The following EXD3 variants were observed in gnomAD, a reference collection of about 807,000 sequenced individuals.
EXD3 encodes the protein exonuclease 3'-5' domain containing 3, also known as exonuclease mut-7 homolog.
A neutral mutation model predicts 98.0 loss-of-function variants in EXD3; 92 were observed. That is an observed-to-expected ratio of 0.94 (90% confidence interval 0.79 to 1.12). The LOEUF (loss-of-function observed/expected upper bound fraction) is 1.12. Among genes scored for constraint, EXD3 ranks in the 50% most tolerant of loss-of-function variants. The probability of loss-of-function intolerance (pLI) is 0.00; values close to 1 mark genes in which losing one functional copy is unlikely to be tolerated. For missense variants in EXD3, 1,222 were observed against 1,191.6 expected, an observed-to-expected ratio of 1.03 and a Z score of -0.38; for synonymous variants, 569 against 526.0, an observed-to-expected ratio of 1.08 and a Z score of -1.12.
chr9:137,353,607 C>T, intron 10 of EXD3: 4 of 985,984 alleles, frequency 4.1e-6, no homozygotes, highest in Non-Finnish European at 4.8e-6. Context: ...CCCGCAGCCA[C>T]CGTGGCAGCG....
In EXD3 at chr9:137,403,806, AC is replaced by A. The variant is rs996435883; in HGVS notation, c.-47-8403del. ...GAAGGCCCTCTCCACCATGCCCAGA[AC>A]CGTGGATGCCCCAGCCTGGGCTCTT... On this transcript the variant is annotated intron_variant, in intron 1 of 21. Transcript: ENST00000340951. This position sits in a 1 kb window ranked among gnomAD's most constrained non-coding sequence, Gnocchi z 6.1. 8.5e-5 allele frequency among the ~76,000 whole-genome samples: 13 copies of A among 152,260 alleles called. No homozygotes were observed. Among genetic ancestry groups the A allele is most frequent in the Admixed American group, 8.5e-4 (13 of 15,298 alleles).
intron 17 of EXD3, among the ~76,000 whole-genome samples, chr9:137,337,560 A>G (rs1240070301): frequency 1.3e-5 from 2 of 151,774 alleles, no homozygotes; most frequent in Non-Finnish European, 2.9e-5. Context: ...CTGAGGCAGG[A>G]GAATTGCTTG....
chr9:137,353,728 C>T, intron 10 of EXD3: 1 of 985,626 alleles, frequency 1.0e-6, no homozygotes, highest in South Asian at 4.7e-5. Context: ...TCCTGGAGTC[C>T]ATGGGTCCAG....
chr9:137,352,741 G>A lies in EXD3; in HGVS notation c.916C>T (p.Leu306=), dbSNP rs190908589. The A allele has an allele frequency of 1.3e-4, 209 of 1,576,202 alleles. 1 individual carries two copies. The Middle Eastern group carries it at 1.5e-3, about 11-fold the overall frequency. The part of the protein sequence containing the change: ...SPWLQEQLSQ[L]LVSHSDPVTA... ...ACTGGGTCACTGTGGGAGACCAGCA[G>A]CTGAGACAGCTGCTCCTGAAGCCAC... The change falls in exon 11 of 22, where the codon CTG becomes TTG. Residue 306 remains leucine (L), a synonymous_variant. Transcript: ENST00000340951.
chr9:137,353,355 G>A (rs79600645), intron 10 of EXD3: 10,603 of 985,338 alleles, frequency 0.011, 143 homozygotes, highest in Non-Finnish European at 0.011. Flanking sequence ...CCAGGAGCCC[G>A]GGCATGTTTT....
In EXD3 at chr9:137,373,468, C is replaced by T. The variant is rs751321391; in HGVS notation, c.252G>A (p.Leu84=). ...ATGGCTGTGCCTGTAGCCAGCACTG[C>T]AGCTGGTGGGAGATCCAGGCCGCCA... ...PSLAAWISHQ[L]QCWLQAQPCP... Residue 84 remains leucine, a synonymous_variant, in exon 4 of 22, where the codon CTG becomes CTA. Transcript: ENST00000340951. 1 of 1,609,634 alleles carries T rather than the reference C, an allele frequency of 6.2e-7. No individual in the cohort carries two copies. Among genetic ancestry groups the T allele is most frequent in the African/African-American group, 1.3e-5 (1 of 75,020 alleles).
At chr9:137,372,813 C>T in intron 5 of EXD3, 92 bp downstream of exon 5, 1 of 1,339,602 alleles carries the variant, frequency 7.5e-7, no homozygotes, top group South Asian at 1.3e-5. Context: ...CCCAAACAGC[C>T]CCCACACAGA....
chr9:137,395,366 C>T lies in EXD3; in HGVS notation c.-9G>A, dbSNP rs762538772. ...GGATCTCCTGGGTCCATCCTCAGGG[C>T]CGGGCCGAGGACGCTGGCAGGCAGC... is the stretch of plus-strand genomic sequence containing the variant. On this transcript the variant is annotated 5_prime_UTR_variant, in exon 2 of 22. Coordinates refer to ENST00000340951, the MANE Select transcript of EXD3 (RefSeq NM_017820.5). This position sits in a 1 kb window ranked among gnomAD's most constrained non-coding sequence, Gnocchi z 6.5. 1 of 1,613,352 alleles carries T rather than the reference C, an allele frequency of 6.2e-7. No individual in the cohort carries two copies. The highest frequency in any genetic ancestry group is 1.1e-5 in the South Asian group (1 of 91,076).
intron 17 of EXD3, among the ~76,000 whole-genome samples, chr9:137,345,432 T>C (rs757091332): frequency 3.3e-5 from 5 of 151,912 alleles, no homozygotes; most frequent in Non-Finnish European, 5.9e-5. Context: ...GAGGCCGAGG[T>C]GGGCAGATCA....
chr9:137,375,264 C>T (rs1311638374), intron 3 of EXD3, among the ~76,000 whole-genome samples: 1 of 152,186 alleles, frequency 6.6e-6, no homozygotes, highest in Non-Finnish European at 1.5e-5. Context: ...GTCTCGGCCT[C>T]CCAAAGTGCT....
chr9:137,355,707 A>AGGAGGAAGGAGGAAGGAGGAAGGTAGGAT (rs1834730414), intron 8 of EXD3, among the ~76,000 whole-genome samples: 1 of 139,142 alleles, frequency 7.2e-6, no homozygotes, highest in African/African-American at 2.9e-5. Flanking sequence ...GGAAGGAGGA[A>AGGAGGAAGGAGGAAGGAGGAAGGTAGGAT]GGAGGAAGGA....
intron 19 of EXD3, among the ~76,000 whole-genome samples, chr9:137,319,900 G>A (rs1232111834): frequency 1.3e-5 from 2 of 152,196 alleles, no homozygotes; most frequent in Non-Finnish European, 2.9e-5. Context: ...AGGGCATCCT[G>A]CTAGGGCCCA....
At chr9:137,372,313 C>T (rs906061152) in intron 5 of EXD3, among the ~76,000 whole-genome samples, 27 of 152,232 alleles carry the variant, frequency 1.8e-4, no homozygotes, top group African/African-American at 4.3e-4. Context: ...GTGTCCCAGG[C>T]GCCGGCACTG....
In EXD3 at chr9:137,351,306, G is replaced by A. The variant is rs1346159663; in HGVS notation, c.1384+12C>T. Reference sequence around the variant, plus strand: ...TTCTGGACTGGGCAGGGGGCCCCAGGGCTTCACTCACCCAGCTTGGTGATA... The same window carrying A: ...TTCTGGACTGGGCAGGGGGCCCCAGAGCTTCACTCACCCAGCTTGGTGATA... On this transcript the variant is annotated intron_variant, in intron 13 of 21. Coordinates refer to ENST00000340951, the MANE Select transcript of EXD3 (RefSeq NM_017820.5). The A allele has an allele frequency of 6.2e-7, 1 of 1,608,590 alleles. No individual in the cohort carries two copies. The highest frequency in any genetic ancestry group is 8.5e-7 in the Non-Finnish European group (1 of 1,178,392).
chr9:137,414,686 T>G (rs1420263555), intron 1 of EXD3, among the ~76,000 whole-genome samples: 2 of 152,174 alleles, frequency 1.3e-5, no homozygotes, highest in African/African-American at 4.8e-5. Flanking sequence ...TCCTTAACAA[T>G]TAACATGACC....
intron 19 of EXD3, among the ~76,000 whole-genome samples, chr9:137,321,773 C>G (rs1359005209): frequency 6.6e-6 from 1 of 152,190 alleles, no homozygotes; most frequent in Non-Finnish European, 1.5e-5. Context: ...GCCCTAACTG[C>G]GGAACGTTCT....
At chr9:137,383,836 C>T (rs1297012165) in intron 2 of EXD3, among the ~76,000 whole-genome samples, 2 of 152,216 alleles carry the variant, frequency 1.3e-5, no homozygotes, top group Non-Finnish European at 2.9e-5. Flanking sequence ...CGCGCCGCCC[C>T]CTCCCTCCAG....
At chr9:137,382,015 ACGCGGGGAGGAGGTGAGGG>A (rs879666586) in intron 3 of EXD3, among the ~76,000 whole-genome samples, 659 of 59,542 alleles carry the variant, frequency 0.011, 4 homozygotes, top group African/African-American at 0.034. Context: ...GGAGGTGAGG[ACGCGGGGAGGAGGTGAGGG>A]CGCGGGGAGG....
rs577562175 is a variant in EXD3 at position 137,383,498 on chromosome 9, C to T, written c.56-121G>A. 3,520 of 687,718 alleles carry T rather than the reference C, an allele frequency of 5.1e-3. 17 individuals are homozygous for T. The highest frequency in any genetic ancestry group is 7.1e-3 in the Non-Finnish European group (2,957 of 414,428). 42.6% of individuals were successfully genotyped at this position (687,718 alleles called of 1,614,324 possible). On this transcript the variant is annotated intron_variant, in intron 2 of 21. Coordinates refer to ENST00000340951, the MANE Select transcript of EXD3 (RefSeq NM_017820.5). Reference sequence around the variant, plus strand: ...TGGGGCTCCTCTGGACCCGGGGGGCCGGGAACCCTCCCCCACCTCTGTCTG... The same window carrying T: ...TGGGGCTCCTCTGGACCCGGGGGGCTGGGAACCCTCCCCCACCTCTGTCTG...
Sources: gnomAD v4.1 joint callset for allele counts (sites outside exome capture counted in the v4.1 genomes callset) on GRCh38, gnomAD v4.1.1 for gene constraint, Gnocchi (gnomAD v3.1) non-coding constraint, MANE v1.5 for transcripts, NCBI Gene and HGNC (gene_info 2026-07-23, HGNC 2026-07-21) for gene names.